NEGR1: variants seen among roughly 807,000 people sequenced by gnomAD.
NEGR1 encodes the protein IgLON family member 4.
A neutral mutation model predicts 40.9 loss-of-function variants in NEGR1; 10 were observed. The ratio of observed to expected loss-of-function variants is 0.24; its 90% CI spans 0.15 to 0.42. The LOEUF (loss-of-function observed/expected upper bound fraction) is 0.42. Among genes scored for constraint, NEGR1 ranks in the 10% least tolerant of loss-of-function variants. The probability of loss-of-function intolerance (pLI) is 1.00; values close to 1 mark genes in which losing one functional copy is unlikely to be tolerated. For missense variants in NEGR1, 352 were observed against 438.9 expected, an observed-to-expected ratio of 0.80 and a Z score of 1.77; for synonymous variants, 185 against 166.8, an observed-to-expected ratio of 1.11 and a Z score of -0.84.
At chr1:71,456,415 G>A (rs1646673292) in intron 6 of NEGR1, among the ~76,000 whole-genome samples, 1 of 152,074 alleles carries the variant, frequency 6.6e-6, no homozygotes. Flanking sequence ...GCCTCAGTAA[G>A]GGTACTTTCA....
chr1:71,807,046 C>T (rs1434137637), intron 2 of NEGR1, among the ~76,000 whole-genome samples: 3 of 151,892 alleles, frequency 2.0e-5, no homozygotes, highest in Non-Finnish European at 4.4e-5. Flanking sequence ...GCGCCTGCCA[C>T]AATGCCCGGC....
At chr1:72,151,727 G>GA (rs913234882) in intron 1 of NEGR1, among the ~76,000 whole-genome samples, 61 of 151,504 alleles carry the variant, frequency 4.0e-4, no homozygotes, top group African/African-American at 1.3e-3. Flanking sequence ...TATGATCTAA[G>GA]AAAAAAATTG....
At chr1:71,602,296 G>T (rs1366468372) in intron 5 of NEGR1, among the ~76,000 whole-genome samples, 3 of 54,520 alleles carry the variant, frequency 5.5e-5, no homozygotes, top group Middle Eastern at 0.014. Context: ...CGCCCAGGCT[G>T]GAGTGCAGTG....
intron 6 of NEGR1, among the ~76,000 whole-genome samples, chr1:71,522,526 A>T (rs1193664709): frequency 6.6e-6 from 1 of 151,764 alleles, no homozygotes; most frequent in Non-Finnish European, 1.5e-5. Context: ...AAGGGACAAA[A>T]AAAGTGCTAT....
chr1:71,706,189 A>G (rs1207445361), intron 3 of NEGR1, among the ~76,000 whole-genome samples: 1 of 152,198 alleles, frequency 6.6e-6, no homozygotes, highest in Non-Finnish European at 1.5e-5. Context: ...GGGAGACCAC[A>G]ACAGCTGTGA....
intron 3 of NEGR1, among the ~76,000 whole-genome samples, chr1:71,753,529 A>G (rs2101690328): frequency 6.6e-6 from 1 of 152,236 alleles, no homozygotes; most frequent in East Asian, 1.9e-4. Context: ...AATCATCCTT[A>G]TAATTAGTAA....
chr1:71,923,852 G>A (rs7543109), intron 2 of NEGR1, among the ~76,000 whole-genome samples: 1 of 151,990 alleles, frequency 6.6e-6, no homozygotes, highest in Non-Finnish European at 1.5e-5. Flanking sequence ...CCACTTTTAA[G>A]GTCCCATGTG....
chr1:71,649,552 A>T (rs1263460182), intron 4 of NEGR1, among the ~76,000 whole-genome samples: 1 of 152,152 alleles, frequency 6.6e-6, no homozygotes, highest in Non-Finnish European at 1.5e-5. Flanking sequence ...GAACAAGATA[A>T]AATACATTAA....
At chr1:72,274,991 C>T (rs545992064) in intron 1 of NEGR1, 198 of 1,535,418 alleles carry the variant, frequency 1.3e-4, no homozygotes, top group Non-Finnish European at 1.6e-4. Flanking sequence ...ATAGTTAGTA[C>T]GACTGTGGAA....
In NEGR1 at chr1:72,018,514, G is replaced by A. The variant is rs564725712; in HGVS notation, c.177-83203C>T. On this transcript the variant is annotated intron_variant, in intron 1 of 6. Transcript: ENST00000357731. ...ATGTACGTTTTATGACATCTCAGGT[G>A]ATTCTAATGTGTATAATTTTTAATA... 6.0e-4 allele frequency among the ~76,000 whole-genome samples: 92 copies of A among 152,272 alleles called. No homozygotes were observed. The South Asian group carries it at 0.019, about 31-fold the overall frequency.
intron 3 of NEGR1, among the ~76,000 whole-genome samples, chr1:71,770,264 T>C (rs1218724994): frequency 6.6e-6 from 1 of 152,168 alleles, no homozygotes; most frequent in East Asian, 1.9e-4. Context: ...AGATAAATAT[T>C]TTTCTTACTA....
chr1:71,581,615 C>T (rs1448993116), intron 6 of NEGR1, among the ~76,000 whole-genome samples: 1 of 151,842 alleles, frequency 6.6e-6, no homozygotes, highest in Non-Finnish European at 1.5e-5. Flanking sequence ...GTGAAAGAAT[C>T]TGTGAGAAGC....
At chr1:71,450,708 G>T (rs907021097) in intron 6 of NEGR1, among the ~76,000 whole-genome samples, 3 of 152,050 alleles carry the variant, frequency 2.0e-5, no homozygotes, top group African/African-American at 7.2e-5. Context: ...TACTTGGGAG[G>T]CTGAGGCAGG....
chr1:71,823,699 C>T (rs953046129), intron 2 of NEGR1, among the ~76,000 whole-genome samples: 3 of 151,958 alleles, frequency 2.0e-5, no homozygotes, highest in African/African-American at 7.2e-5. Flanking sequence ...TGTTTTGTTT[C>T]TTTTTCCATA....
At chr1:72,209,430 T>TC (rs1342205977) in intron 1 of NEGR1, among the ~76,000 whole-genome samples, 1 of 151,670 alleles carries the variant, frequency 6.6e-6, no homozygotes, top group Non-Finnish European at 1.5e-5. Context: ...ATTTCTCTCT[T>TC]CCTTCCAATA....
rs1438593469 is a variant in NEGR1, at chr1:71,399,241, T to C, written c.*8205A>G. 10 of 151,976 alleles carry C rather than the reference T, an allele frequency of 6.6e-5. No individual in the cohort carries two copies. In the East Asian group the frequency reaches 1.9e-3, roughly 29 times the overall value. 9.4% of individuals were successfully genotyped at this position (151,976 alleles called of 1,614,324 possible). A position where few individuals can be genotyped will look rare whatever the true frequency, so the allele number is the denominator to read the frequency against. ...CTAGTTTATCTATAAATTAGAAATA[T>C]ATATGTTTCCAGAAAAAAATTGCTT... On this transcript the variant is annotated 3_prime_UTR_variant, in exon 7 of 7. Transcript: ENST00000357731.
chr1:71,656,991 T>G (rs1399532962), intron 4 of NEGR1, among the ~76,000 whole-genome samples: 1 of 152,232 alleles, frequency 6.6e-6, no homozygotes, highest in Non-Finnish European at 1.5e-5. Context: ...TAATACTGTT[T>G]GGCTTCAAAA....
At chr1:72,046,726 T>C (rs1490230943) in intron 1 of NEGR1, among the ~76,000 whole-genome samples, 1 of 151,658 alleles carries the variant, frequency 6.6e-6, no homozygotes, top group Admixed American at 6.6e-5. Context: ...TAGATATAGT[T>C]TGTTTTACTA....
chr1:71,955,632 G>C (rs949542994), intron 1 of NEGR1, among the ~76,000 whole-genome samples: 1 of 152,100 alleles, frequency 6.6e-6, no homozygotes, highest in Non-Finnish European at 1.5e-5. Flanking sequence ...CAGCATTAAA[G>C]CAGCAAATTT....
Sources: allele counts gnomAD v4.1 joint callset (sites outside exome capture counted in the v4.1 genomes callset), GRCh38; gene constraint gnomAD v4.1.1; transcripts MANE v1.5; gene names NCBI Gene and HGNC (gene_info 2026-07-23, HGNC 2026-07-21).